Variants in PTPN2 observed in about 807,000 individuals in gnomAD.
PTPN2 encodes protein tyrosine phosphatase non-receptor type 2.
PTPN2 carries 19 observed loss-of-function variants against 57.3 expected under a neutral mutation model. The observed-to-expected ratio is 0.33, with a 90% confidence interval of 0.23 to 0.49. The LOEUF is 0.49. PTPN2 is among the 20% of genes least tolerant of loss of function. The pLI, the probability that PTPN2 is intolerant of heterozygous loss-of-function variation, is 0.99. For missense variants in PTPN2, 358 were observed against 501.1 expected, an observed-to-expected ratio of 0.71 and a Z score of 2.73; for synonymous variants, 153 against 164.9, an observed-to-expected ratio of 0.93 and a Z score of 0.55.
chr18:12,822,064 A>G (rs1456381121), intron 5 of PTPN2, among the ~76,000 whole-genome samples: 1 of 152,194 alleles, frequency 6.6e-6, no homozygotes, highest in Non-Finnish European at 1.5e-5. Flanking sequence ...AATTACTGAA[A>G]AAGTATAAGA....
chr18:12,839,777 G>C (rs1252192080), intron 2 of PTPN2, among the ~76,000 whole-genome samples: 1 of 152,026 alleles, frequency 6.6e-6, no homozygotes, highest in Non-Finnish European at 1.5e-5. Context: ...TTATAACTTG[G>C]ATTAAAATTA....
chr18:12,807,586 A>AAAAAAAATATATATATATATATATATAT, intron 7 of PTPN2, among the ~76,000 whole-genome samples: 2 of 35,198 alleles, frequency 5.7e-5, no homozygotes, highest in Non-Finnish European at 6.1e-5. Flanking sequence ...AAAAAAAAAA[A>AAAAAAAATATATATATATATATATATAT]ATATATATAT....
Position 12,792,859 on chromosome 18 carries a change from G to A in PTPN2, c.*1419C>T, listed in dbSNP as rs954612357. ...GCCCACTTCAGCCTCCCAAAGTGCT[G>A]GGATTACAGGCATGAGCCACCGCGC... On this transcript the variant is annotated 3_prime_UTR_variant, in exon 9 of 9. Coordinates refer to ENST00000309660, the MANE Select transcript of PTPN2 (RefSeq NM_002828.4). 48 of 924,248 alleles carry A rather than the reference G, an allele frequency of 5.2e-5. No individual in the cohort carries two copies. The South Asian group carries it at 9.0e-4, about 17-fold the overall frequency. The allele number at this position is 924,248 out of a possible 1,614,324, so 57.3% of individuals were successfully genotyped here.
At chr18:12,874,062 G>C (rs1456248020) in intron 1 of PTPN2, among the ~76,000 whole-genome samples, 1 of 150,990 alleles carries the variant, frequency 6.6e-6, no homozygotes, top group Non-Finnish European at 1.5e-5. Flanking sequence ...CAGCCGCCCC[G>C]TCTGAGAAGT....
At chr18:12,791,818 C>G (rs114577437), downstream of PTPN2, among the ~76,000 whole-genome samples, 2 of 152,032 alleles carry the variant, frequency 1.3e-5, no homozygotes, top group African/African-American at 4.8e-5. Flanking sequence ...GCCAATGAAG[C>G]GCATTCAGCC....
At chr18:12,874,750 C>T (rs1266147737) in intron 1 of PTPN2, among the ~76,000 whole-genome samples, 34 of 151,894 alleles carry the variant, frequency 2.2e-4, no homozygotes, top group Non-Finnish European at 4.4e-5. Context: ...TGCCCGGCCG[C>T]CCCTACTGGG....
chr18:12,874,582 G>A (rs2044415518), intron 1 of PTPN2, among the ~76,000 whole-genome samples: 1 of 131,228 alleles, frequency 7.6e-6, no homozygotes, highest in Non-Finnish European at 1.6e-5. Context: ...CCGGGAGGGA[G>A]GTGGGGGGTT....
chr18:12,880,833 T>C (rs2087675370), intron 1 of PTPN2: 1 of 152,288 alleles, frequency 6.6e-6, no homozygotes, highest in Non-Finnish European at 1.5e-5. Flanking sequence ...CATGTGTTCA[T>C]GATTTCCAAA....
At chr18:12,871,653 ACT>A (rs1281841502) in intron 1 of PTPN2, among the ~76,000 whole-genome samples, 2 of 151,488 alleles carry the variant, frequency 1.3e-5, no homozygotes, top group Non-Finnish European at 2.9e-5. Context: ...ATCCTTTTTC[ACT>A]CTGTTGATTA....
intron 5 of PTPN2, among the ~76,000 whole-genome samples, chr18:12,824,013 G>A (rs2145344683): frequency 6.6e-6 from 1 of 152,234 alleles, no homozygotes; most frequent in East Asian, 1.9e-4. Flanking sequence ...ATAAGCAAAT[G>A]AGTAATTACC....
intron 6 of PTPN2, among the ~76,000 whole-genome samples, chr18:12,815,369 A>G (rs2847287): frequency 0.96 from 145,331 of 151,710 alleles, 69,931 homozygotes; most frequent in East Asian, 1. Flanking sequence ...CTGAGATTGC[A>G]CCACTGCACT....
At chr18:12,819,677 T>C (rs953418175) in intron 5 of PTPN2, among the ~76,000 whole-genome samples, 3 of 152,008 alleles carry the variant, frequency 2.0e-5, no homozygotes, top group Non-Finnish European at 4.4e-5. Flanking sequence ...ATTAAATTTA[T>C]TGCATTAAAA....
At chr18:12,831,546 C>G (rs773232476) in intron 3 of PTPN2, among the ~76,000 whole-genome samples, 3 of 152,114 alleles carry the variant, frequency 2.0e-5, no homozygotes, top group Non-Finnish European at 4.4e-5. Flanking sequence ...GAAGGTAGAC[C>G]AAGGAAATTT....
chr18:12,846,501 C>A (rs1001839982), intron 2 of PTPN2, among the ~76,000 whole-genome samples: 1 of 152,260 alleles, frequency 6.6e-6, no homozygotes, highest in South Asian at 2.1e-4. Context: ...CTCAGATTAT[C>A]CCAGGTTTGG....
At chr18:12,814,163 T>A in intron 7 of PTPN2, 40 bp downstream of exon 7, 1 of 1,413,164 alleles carries the variant, frequency 7.1e-7, no homozygotes, top group Non-Finnish European at 9.8e-7. Context: ...CTATGTGTAT[T>A]TAACAAATAG....
intron 1 of PTPN2, among the ~76,000 whole-genome samples, chr18:12,860,634 C>A (rs147594740): frequency 4.0e-5 from 6 of 151,138 alleles, no homozygotes; most frequent in Non-Finnish European, 8.9e-5. Flanking sequence ...TGGTGACGAG[C>A]GCCTGTAATC....
At chr18:12,864,116 G>GA (rs1303425939) in intron 1 of PTPN2, 1 of 151,012 alleles carries the variant, frequency 6.6e-6, no homozygotes, top group East Asian at 1.9e-4. Context: ...CAATCTCTTG[G>GA]AAAGATAATA....
chr18:12,798,824 A>C (rs1027142274), intron 8 of PTPN2, among the ~76,000 whole-genome samples: 4 of 152,188 alleles, frequency 2.6e-5, no homozygotes, highest in Non-Finnish European at 4.4e-5. Context: ...GTCTTTGAGG[A>C]ATCACCACAC....
chr18:12,870,359 ATATG>A (rs1431960005), intron 1 of PTPN2, among the ~76,000 whole-genome samples: 557 of 43,236 alleles, frequency 0.013, 51 homozygotes, highest in African/African-American at 0.018. Context: ...ATGTGTATAT[ATATG>A]TGTATATATA....
Sources: gnomAD v4.1 joint callset for allele counts (sites outside exome capture counted in the v4.1 genomes callset) on GRCh38, gnomAD v4.1.1 for gene constraint, MANE v1.5 for transcripts, NCBI Gene and HGNC (gene_info 2026-07-23, HGNC 2026-07-21) for gene names.